CPED1: variants seen among roughly 807,000 people sequenced by gnomAD.
CPED1 encodes cadherin like and PC-esterase domain containing 1, also known as cadherin-like and PC-esterase domain-containing protein 1.
CPED1 carries 114 observed loss-of-function variants against 128.2 expected under a neutral mutation model. That is an observed-to-expected ratio of 0.89 (90% confidence interval 0.76 to 1.04). The LOEUF is 1.04. CPED1 is among the 50% of genes least tolerant of loss of function. The probability of loss-of-function intolerance (pLI) is 0.00; values close to 1 mark genes in which losing one functional copy is unlikely to be tolerated. For missense variants in CPED1, 1,211 were observed against 1,207.1 expected, an observed-to-expected ratio of 1.00 and a Z score of -0.05; for synonymous variants, 462 against 426.7, an observed-to-expected ratio of 1.08 and a Z score of -1.02.
At chr7:121,248,563 G>A (rs1798592959) in intron 18 of CPED1, among the ~76,000 whole-genome samples, 1 of 118,636 alleles carries the variant, frequency 8.4e-6, no homozygotes, top group South Asian at 2.5e-4. Flanking sequence ...ACACCAAAAA[G>A]ATTTTGCTAA....
chr7:121,061,544 T>C (rs1793673664), intron 4 of CPED1, among the ~76,000 whole-genome samples: 1 of 152,128 alleles, frequency 6.6e-6, no homozygotes. Flanking sequence ...GAGGAGGCTG[T>C]GTGTGTGTTG....
chr7:121,202,828 G>A (rs1316302168), intron 16 of CPED1, among the ~76,000 whole-genome samples: 2 of 152,212 alleles, frequency 1.3e-5, no homozygotes, highest in Admixed American at 6.5e-5. Flanking sequence ...GCCAAAAATA[G>A]GAAAGATGTT....
intron 3 of CPED1, among the ~76,000 whole-genome samples, chr7:121,023,221 T>C (rs1251932615): frequency 1.3e-5 from 2 of 152,128 alleles, no homozygotes. Context: ...ATTGTTCAAC[T>C]GAAGAGAATA....
In CPED1 at chr7:121,141,017, T is replaced by C; in HGVS notation, c.1886+4T>C. ...TGTACGAGCAGGCAGGGCCAAGGTA[T>C]GAGATGTTGACTGGGGCTGTGTTGA... On this transcript the variant is annotated splice_donor_region_variant and intron_variant, in intron 15 of 22. Coordinates refer to ENST00000310396, the MANE Select transcript of CPED1 (RefSeq NM_024913.5). 6.2e-7 allele frequency: 1 copy of C among 1,600,272 alleles called. No homozygotes were observed.
intron 16 of CPED1, among the ~76,000 whole-genome samples, chr7:121,166,162 C>CCA (rs1163583080): frequency 6.6e-6 from 1 of 152,086 alleles, no homozygotes; most frequent in Non-Finnish European, 1.5e-5. Flanking sequence ...CACCAGAAGA[C>CCA]CACATTTTGT....
chr7:121,263,873 C>T (rs1012333103), intron 18 of CPED1, among the ~76,000 whole-genome samples: 8 of 152,004 alleles, frequency 5.3e-5, no homozygotes, highest in East Asian at 3.9e-4. Flanking sequence ...AGTTTAAAAG[C>T]TAGATCTCAA....
chr7:121,145,139 GTA>G (rs71530056), intron 16 of CPED1, among the ~76,000 whole-genome samples: 19 of 150,628 alleles, frequency 1.3e-4, no homozygotes, highest in African/African-American at 2.9e-4. Context: ...GTGTATTTGT[GTA>G]TATATATATA....
At chr7:121,138,454 T>A (rs950969693) in intron 14 of CPED1, among the ~76,000 whole-genome samples, 2 of 152,054 alleles carry the variant, frequency 1.3e-5, no homozygotes, top group Non-Finnish European at 2.9e-5. Flanking sequence ...ATGTCAGAAC[T>A]AAATCAGCTT....
intron 2 of CPED1, among the ~76,000 whole-genome samples, chr7:120,994,760 G>A (rs1301514160): frequency 6.6e-6 from 1 of 151,838 alleles, no homozygotes; most frequent in African/African-American, 2.4e-5. Flanking sequence ...AAGGAGTCTG[G>A]ATTCTATTCC....
chr7:121,242,958 C>A (rs1798435139), intron 17 of CPED1, among the ~76,000 whole-genome samples: 1 of 152,092 alleles, frequency 6.6e-6, no homozygotes, highest in South Asian at 2.1e-4. Flanking sequence ...CAAACACATT[C>A]ACAATTCTAA....
intron 7 of CPED1, among the ~76,000 whole-genome samples, chr7:121,109,633 C>T (rs1403317533): frequency 3.3e-5 from 5 of 152,088 alleles, no homozygotes. Context: ...ACATACTGTT[C>T]CAAACTGATG....
At chr7:121,239,429 G>GA (rs1370649228) in intron 17 of CPED1, among the ~76,000 whole-genome samples, 1 of 151,616 alleles carries the variant, frequency 6.6e-6, no homozygotes, top group Non-Finnish European at 1.5e-5. Flanking sequence ...GCTTAAGAAA[G>GA]AAAAAATAAT....
chr7:121,106,345 T>C (rs893308846), intron 7 of CPED1, among the ~76,000 whole-genome samples: 2 of 151,994 alleles, frequency 1.3e-5, no homozygotes, highest in Non-Finnish European at 2.9e-5. Flanking sequence ...GGTATACACA[T>C]ATATGTGTAT....
chr7:121,229,796 T>C (rs138543431), intron 16 of CPED1, among the ~76,000 whole-genome samples: 10 of 152,192 alleles, frequency 6.6e-5, no homozygotes, highest in Admixed American at 6.6e-4. Flanking sequence ...CTAAAATGTT[T>C]GTTTTTTTAG....
intron 5 of CPED1, among the ~76,000 whole-genome samples, chr7:121,073,655 A>T (rs1794048294): frequency 6.6e-6 from 1 of 152,016 alleles, no homozygotes; most frequent in Non-Finnish European, 1.5e-5. Context: ...CTTCTTCTTC[A>T]TCTTCTTCAT....
intron 12 of CPED1, among the ~76,000 whole-genome samples, chr7:121,130,876 T>C (rs2116335450): frequency 6.6e-6 from 1 of 152,192 alleles, no homozygotes. Context: ...ACTTCCATTC[T>C]AATGAGAGGT....
intron 5 of CPED1, among the ~76,000 whole-genome samples, chr7:121,094,975 T>C (rs1794665264): frequency 6.6e-6 from 1 of 152,190 alleles, no homozygotes; most frequent in African/African-American, 2.4e-5. Context: ...TTTCACATTT[T>C]AATCTATTTT....
chr7:121,122,791 T>G (rs1795420450), intron 7 of CPED1, among the ~76,000 whole-genome samples: 1 of 152,198 alleles, frequency 6.6e-6, no homozygotes, highest in Admixed American at 6.5e-5. Flanking sequence ...GAAATAATCA[T>G]TTTCATTTTA....
At chr7:121,189,223 A>G (rs1797071814) in intron 16 of CPED1, among the ~76,000 whole-genome samples, 2 of 152,160 alleles carry the variant, frequency 1.3e-5, no homozygotes, top group Admixed American at 6.5e-5. Context: ...TGTAAAATCA[A>G]TGAAGGTGTA....
Sources: gnomAD v4.1 joint callset for allele counts (sites outside exome capture counted in the v4.1 genomes callset) on GRCh38, gnomAD v4.1.1 for gene constraint, MANE v1.5 for transcripts, NCBI Gene and HGNC (gene_info 2026-07-23, HGNC 2026-07-21) for gene names.